Variants in TENM1 observed in about 807,000 individuals in gnomAD.
TENM1 encodes the protein teneurin-1.
TENM1 carries 35 observed loss-of-function variants against 174.8 expected under a neutral mutation model. The ratio of observed to expected loss-of-function variants is 0.20; its 90% confidence interval spans 0.15 to 0.27. The LOEUF (loss-of-function observed/expected upper bound fraction) is 0.27, where lower values mean the gene tolerates loss of function less well. Among genes scored for constraint, TENM1 ranks in the 10% least tolerant of loss-of-function variants. The pLI, the probability that TENM1 is intolerant of heterozygous loss-of-function variation, is 1.00. For synonymous variants in TENM1, 781 were observed against 798.7 expected (o/e 0.98, Z 0.37); for missense variants, 1,633 against 2,130.1 (o/e 0.77, Z 4.59).
the TENM1 span, among the ~76,000 whole-genome samples, chrX:125,080,031 G>A: frequency 1.8e-5 from 2 of 109,545 alleles, no homozygotes; most frequent in South Asian, 7.8e-4. Context: ...GCTCTGATAT[G>A]TTTTCTAGTG....
chrX:124,576,914 C>T (rs1306232986), intron 11 of TENM1, among the ~76,000 whole-genome samples: 1 of 111,752 alleles, frequency 8.9e-6, no homozygotes, highest in Non-Finnish European at 1.9e-5. Flanking sequence ...TATTCTAAGG[C>T]AATAAGCCTC....
chrX:124,398,442 A>G (rs2060363340), intron 27 of TENM1, among the ~76,000 whole-genome samples: 1 of 110,613 alleles, frequency 9.0e-6, no homozygotes, highest in Non-Finnish European at 1.9e-5. Flanking sequence ...GCATATGTTC[A>G]GTACTAGCAT....
the TENM1 span, among the ~76,000 whole-genome samples, chrX:125,073,944 T>A: frequency 8.9e-6 from 1 of 112,191 alleles, no homozygotes; most frequent in Non-Finnish European, 1.9e-5. Flanking sequence ...AGGTAAAATT[T>A]AGCAGAATTA....
the TENM1 span, among the ~76,000 whole-genome samples, chrX:124,982,270 G>GAAAAAAAAAAAAAAAAAA: frequency 9.5e-5 from 1 of 10,552 alleles, no homozygotes; most frequent in African/African-American, 8.1e-4. Context: ...AAGAAAATGT[G>GAAAAAAAAAAAAAAAAAA]AAAAAAAAAA....
intron 11 of TENM1, among the ~76,000 whole-genome samples, chrX:124,582,006 C>T (rs2049328880): frequency 8.9e-6 from 1 of 111,860 alleles, no homozygotes; most frequent in African/African-American, 3.3e-5. Context: ...TTAAGCCCCA[C>T]ATGCATTAGC....
At chrX:125,144,121 T>C in the TENM1 span, among the ~76,000 whole-genome samples, 1 of 111,926 alleles carries the variant, frequency 8.9e-6, no homozygotes, top group African/African-American at 3.2e-5. Flanking sequence ...TTTATAAATA[T>C]AAGTTGGGAA....
chrX:125,159,256 C>G, the TENM1 span, among the ~76,000 whole-genome samples: 2 of 112,243 alleles, frequency 1.8e-5, no homozygotes, highest in Non-Finnish European at 3.8e-5. Flanking sequence ...CCTTGGAACG[C>G]TCAGACTGAA....
chrX:124,487,296 C>T (rs1449997128), intron 20 of TENM1, 67 bp from the exon 24 acceptor site: 20 of 974,005 alleles, frequency 2.1e-5, no homozygotes, highest in Non-Finnish European at 2.4e-5. Context: ...TATCATTGAA[C>T]ATGCCAAACC....
chrX:124,790,024 AT>A (rs1022630608), intron 3 of TENM1, among the ~76,000 whole-genome samples: 1 of 112,129 alleles, frequency 8.9e-6, no homozygotes, highest in African/African-American at 3.2e-5. Context: ...AGGCCTTATA[AT>A]CATAGCAGAA....
intron 3 of TENM1, among the ~76,000 whole-genome samples, chrX:124,793,874 T>G (rs996565692): frequency 9.0e-6 from 1 of 110,894 alleles, no homozygotes; most frequent in African/African-American, 3.3e-5. Flanking sequence ...ACTCAGTTTC[T>G]TTTACAGCAC....
chrX:124,711,017 A>G (rs1214719741), intron 4 of TENM1, among the ~76,000 whole-genome samples: 1 of 112,086 alleles, frequency 8.9e-6, no homozygotes, highest in East Asian at 2.8e-4. Context: ...GGACCTGAGG[A>G]TATACTAAAA....
intron 3 of TENM1, among the ~76,000 whole-genome samples, chrX:124,782,376 G>A (rs2054932159): frequency 9.1e-6 from 1 of 110,311 alleles, no homozygotes; most frequent in African/African-American, 3.3e-5. Flanking sequence ...CACCTATAAG[G>A]CCCTTATAAA....
intron 5 of TENM1, among the ~76,000 whole-genome samples, chrX:124,686,979 A>G (rs1328402328): frequency 9.0e-6 from 1 of 111,421 alleles, no homozygotes. Flanking sequence ...GAAGTCAAAT[A>G]GTCTCTGTTT....
the TENM1 span, among the ~76,000 whole-genome samples, chrX:125,113,354 C>T: frequency 4.5e-5 from 5 of 111,152 alleles, no homozygotes; most frequent in African/African-American, 1.6e-4. Context: ...CAAAAAAGCA[C>T]TAGCCACTAG....
chrX:124,919,940 C>T (rs778281558), intron 1 of TENM1, among the ~76,000 whole-genome samples: 67 of 110,283 alleles, frequency 6.1e-4, no homozygotes, highest in African/African-American at 2.2e-3. Flanking sequence ...CAAAAAGAAC[C>T]GATACTCAAA....
chrX:124,652,157 T>C, intron 7 of TENM1, 33 bp from the exon 11 acceptor site: 1 of 1,196,226 alleles, frequency 8.4e-7, no homozygotes. Context: ...GATGAGCCAC[T>C]ACTTTTTCTT....
chrX:124,412,361 A>C (rs1244217203), intron 25 of TENM1, among the ~76,000 whole-genome samples: 1 of 112,781 alleles, frequency 8.9e-6, no homozygotes, highest in African/African-American at 3.2e-5. Flanking sequence ...TGGAGAGATG[A>C]TATTTACACA....
intron 11 of TENM1, among the ~76,000 whole-genome samples, chrX:124,604,938 T>A (rs772089960): frequency 2.8e-5 from 3 of 108,111 alleles, no homozygotes; most frequent in Non-Finnish European, 5.8e-5. Flanking sequence ...ATATATTATT[T>A]TTTTTCTCTC....
intron 22 of TENM1, among the ~76,000 whole-genome samples, chrX:124,466,180 T>C (rs775529793): frequency 1.2e-3 from 133 of 112,152 alleles, no homozygotes; most frequent in African/African-American, 4.0e-3. Context: ...TGTTTGACTA[T>C]AGCATTTAGC....
Sources: gnomAD v4.1 joint callset for allele counts (sites outside exome capture counted in the v4.1 genomes callset) on GRCh38, gnomAD v4.1.1 for gene constraint, MANE v1.5 for transcripts, NCBI Gene and HGNC (gene_info 2026-07-23, HGNC 2026-07-21) for gene names.